The following TBX22 variants were observed in gnomAD, a reference collection of about 807,000 sequenced individuals.
TBX22 encodes the protein T-box transcription factor 22.
A neutral mutation model predicts 30.1 loss-of-function variants in TBX22; 8 were observed. That is an observed-to-expected ratio of 0.27 (90% CI 0.16 to 0.48). The LOEUF (loss-of-function observed/expected upper bound fraction) is 0.48. Among genes scored for constraint, TBX22 ranks in the 20% least tolerant of loss-of-function variants. The probability of loss-of-function intolerance (pLI) is 0.99; values close to 1 mark genes in which losing one functional copy is unlikely to be tolerated. For synonymous variants in TBX22, 173 were observed against 149.1 expected (o/e 1.16, Z -1.17); for missense variants, 463 against 400.5 (o/e 1.16, Z -1.33).
intron 2 of TBX22, 65 bp from the exon 3 acceptor site, chrX:80,022,993 CAG>C (rs1923795309): frequency 7.3e-6 from 8 of 1,094,394 alleles, no homozygotes; most frequent in Non-Finnish European, 8.8e-6. Context: ...AGATAGGCAC[CAG>C]CGAGAAGTGG....
rs778023340 is a variant in TBX22 at position 80,024,230 on chromosome X, T to C, written c.458+66T>C. 466 of 997,367 alleles carry C rather than the reference T, an allele frequency of 4.7e-4. 1 individual carries two copies. Among genetic ancestry groups the C allele is most frequent in the Non-Finnish European group, 6.2e-4 (436 of 706,310 alleles). 82.2% of individuals were successfully genotyped at this position (997,367 alleles called of 1,213,427 possible). A position where few individuals can be genotyped will look rare whatever the true frequency, so the allele number is the denominator to read the frequency against. On this transcript the variant is annotated intron_variant, in intron 4 of 8. Coordinates refer to ENST00000373296, the MANE Select transcript of TBX22 (RefSeq NM_001109878.2). ...GGCCAGGGATTTGGACCTTCAGACC[T>C]GAAACCTGACAGCATGACTTTGAAA...
At position 80,031,433 on chromosome X, in the gene TBX22, C is replaced by T. The variant is rs932623395; in HGVS notation, c.*322C>T. On this transcript the variant is annotated 3_prime_UTR_variant, in exon 9 of 9. Transcript: ENST00000373296. ...ATTTTCAATTATACTGAAGCTAGTT[C>T]ACCACGTTAACTGCATTTTACACAT... 1 of 217,014 alleles carries T rather than the reference C, an allele frequency of 4.6e-6. No individual in the cohort carries two copies. Among genetic ancestry groups the T allele is most frequent in the African/African-American group, 2.9e-5 (1 of 34,612 alleles). 17.9% of individuals were successfully genotyped at this position (217,014 alleles called of 1,213,427 possible). A position where few individuals can be genotyped will look rare whatever the true frequency, so the allele number is the denominator to read the frequency against.
chrX:80,026,547 G>A (rs747819494), intron 5 of TBX22, among the ~76,000 whole-genome samples, 157 bp from the exon 6 acceptor site: 2 of 112,035 alleles, frequency 1.8e-5, no homozygotes, highest in East Asian at 2.8e-4. Context: ...TTTTTAGCTC[G>A]GAGCGCCTCT....
chrX:80,027,358 C>CA, intron 7 of TBX22, 38 bp downstream of exon 7: 1 of 680,022 alleles, frequency 1.5e-6, no homozygotes, highest in Non-Finnish European at 2.3e-6. Flanking sequence ...ATTGATGTAG[C>CA]TAGCTATTTT....
intron 1 of TBX22, 46 bp from the exon 2 acceptor site, chrX:80,022,222 G>T (rs747337881): frequency 2.5e-6 from 3 of 1,186,660 alleles, no homozygotes; most frequent in Non-Finnish European, 3.4e-6. Flanking sequence ...CCCTAACCCA[G>T]TTCAGGTTGA....
chrX:80,024,040 A>G (rs768459898), intron 3 of TBX22, 23 bp from the exon 4 acceptor site: 3 of 1,191,640 alleles, frequency 2.5e-6, no homozygotes, highest in South Asian at 1.8e-5. Flanking sequence ...CTCTTGGGTC[A>G]GTCCTTATTT....
In TBX22 at chrX:80,030,659, C is replaced by G; in HGVS notation, c.1111C>G (p.Leu371Val). The change falls in exon 9 of 9, where the codon CTA becomes GTA. Residue 371 changes from leucine (L) to valine (V), a missense_variant. Leu to Val is a conservative substitution (Grantham distance 32, BLOSUM62 1). Coordinates refer to ENST00000373296, the MANE Select transcript of TBX22 (RefSeq NM_001109878.2). ...EAYLPNVNLPLCYKICPTNFW... is the reference protein window; with the variant it reads ...EAYLPNVNLPVCYKICPTNFW... Reference sequence around the variant, plus strand: ...ATACCTGCCCAATGTCAACCTGCCTCTATGCTACAAGATTTGTCCAACTAA... The same window carrying G: ...ATACCTGCCCAATGTCAACCTGCCTGTATGCTACAAGATTTGTCCAACTAA... 3.3e-6 allele frequency: 4 copies of G among 1,211,830 alleles called. No individual in the cohort carries two copies. Among genetic ancestry groups the G allele is most frequent in the Non-Finnish European group, 4.5e-6 (4 of 895,492 alleles).
chrX:80,027,387 T>A (rs1195036416), intron 7 of TBX22, 67 bp downstream of exon 7: 1 of 636,083 alleles, frequency 1.6e-6, no homozygotes, highest in Non-Finnish European at 2.5e-6. Context: ...TTTTTTTTTT[T>A]TTTTTTCCTG....
In TBX22 at chrX:80,030,967, C is replaced by A. The variant is rs989403706; in HGVS notation, c.1419C>A (p.Asp473Glu). Reference protein sequence around the residue: ...ALSCSFHPSYDFYRYNFSMPS... With the variant: ...ALSCSFHPSYEFYRYNFSMPS... Reference sequence around the variant, plus strand: ...GTTGCTCCTTTCATCCTTCCTATGACTTTTATAGATACAATTTCTCTATGC... The same window carrying A: ...GTTGCTCCTTTCATCCTTCCTATGAATTTTATAGATACAATTTCTCTATGC... Residue 473 changes from aspartate (D) to glutamate (E), a missense_variant, in exon 9 of 9, where the codon GAC (aspartate) becomes GAA (glutamate). Coordinates refer to ENST00000373296, the MANE Select transcript of TBX22 (RefSeq NM_001109878.2). 1 of 1,211,922 alleles carries A rather than the reference C, an allele frequency of 8.3e-7. No individual in the cohort carries two copies. Among genetic ancestry groups the A allele is most frequent in the Non-Finnish European group, 1.1e-6 (1 of 895,383 alleles).
intron 8 of TBX22, among the ~76,000 whole-genome samples, chrX:80,029,558 T>C (rs1342580231): frequency 8.9e-6 from 1 of 112,382 alleles, no homozygotes; most frequent in African/African-American, 3.2e-5. Context: ...GGCTTTTAAA[T>C]ATATTGCTTT....
chrX:80,022,807 T>A (rs1923779747), intron 2 of TBX22, among the ~76,000 whole-genome samples: 1 of 94,804 alleles, frequency 1.1e-5, no homozygotes. Context: ...AGAGTGAGGA[T>A]TGGCAAATCT....
chrX:80,024,020 T>G (rs1490413847), intron 3 of TBX22, 43 bp from the exon 4 acceptor site: 16 of 1,169,558 alleles, frequency 1.4e-5, no homozygotes, highest in African/African-American at 1.8e-5. Context: ...CTTCCAAACA[T>G]TTCTAAAAGC....
chrX:80,026,779 C>G lies in TBX22; in HGVS notation c.709C>G (p.Gln237Glu), dbSNP rs1923997288. 9.9e-6 allele frequency: 12 copies of G among 1,209,199 alleles called. No individual in the cohort carries two copies. Among genetic ancestry groups the G allele is most frequent in the Non-Finnish European group, 1.3e-5 (12 of 894,487 alleles). Residue 237 changes from glutamine (Q) to glutamate (E), a missense_variant, in exon 6 of 9, where the codon CAG becomes GAG. By Grantham distance (29) the Gln-to-Glu change is conservative. Coordinates refer to ENST00000373296, the MANE Select transcript of TBX22 (RefSeq NM_001109878.2). The part of the protein sequence containing the change: ...IEQGSSVDLS[Q>E]IQSLPTEGVK... ...GCAAGGCAGCAGTGTTGACCTGTCC[C>G]AGATTCAGTCCTTGCCCACTGAAGG... is the stretch of plus-strand genomic sequence containing the variant.
chrX:80,028,367 C>T (rs1924083729), intron 8 of TBX22, among the ~76,000 whole-genome samples: 1 of 112,426 alleles, frequency 8.9e-6, no homozygotes, highest in East Asian at 2.8e-4. Flanking sequence ...CAGCCTCTCA[C>T]TGTTTCACAT....
At chrX:80,029,287 G>T (rs1924133639) in intron 8 of TBX22, among the ~76,000 whole-genome samples, 1 of 111,729 alleles carries the variant, frequency 9.0e-6, no homozygotes, top group African/African-American at 3.2e-5. Flanking sequence ...AAACAACTTG[G>T]TCAAATCCAG....
Position 80,024,167 on chromosome X carries a change from A to G in TBX22, c.458+3A>G, listed in dbSNP as rs1923859838. Reference sequence around the variant, plus strand: ...CCGGTGGATTCCAAACGCTATAGGTAATGGGCCCCATAGAATGGTACTCTA... The same window carrying G: ...CCGGTGGATTCCAAACGCTATAGGTGATGGGCCCCATAGAATGGTACTCTA... On this transcript the variant is annotated splice_donor_region_variant and intron_variant, in intron 4 of 8. Transcript: ENST00000373296. 3.3e-6 allele frequency: 4 copies of G among 1,200,602 alleles called. No individual in the cohort carries two copies. Among genetic ancestry groups the G allele is most frequent in the Non-Finnish European group, 4.5e-6 (4 of 887,601 alleles).
chrX:80,026,817 C>A lies in TBX22; in HGVS notation c.747C>A (p.Phe249Leu). Residue 249 changes from phenylalanine (F) to leucine (L), a missense_variant, in exon 6 of 9, where the codon TTC becomes TTA. Transcript: ENST00000373296. Reference protein sequence around the residue: ...QSLPTEGVKTFSFKETEFTTV... With the variant: ...QSLPTEGVKTLSFKETEFTTV... Reference sequence around the variant, plus strand: ...TGCCCACTGAAGGTGTTAAAACATTCTCCTTTAAAGAAACTGAGTTCACCA... The same window carrying A: ...TGCCCACTGAAGGTGTTAAAACATTATCCTTTAAAGAAACTGAGTTCACCA... 1 of 1,211,589 alleles carries A rather than the reference C, an allele frequency of 8.3e-7. No individual in the cohort carries two copies. The highest frequency in any genetic ancestry group is 1.1e-6 in the Non-Finnish European group (1 of 895,370).
intron 1 of TBX22, among the ~76,000 whole-genome samples, chrX:80,015,673 C>T (rs1479219146): frequency 8.9e-6 from 1 of 111,777 alleles, no homozygotes; most frequent in African/African-American, 3.3e-5. Context: ...TGCCTTCAAA[C>T]TAGAGAAGGG....
rs781388378 is a variant in TBX22 at position 80,022,438 on chromosome X, C to T, written c.169C>T (p.Pro57Ser). ...GAGCAGCGCTGCAGGGAAGAGCGAG[C>T]CGCTTGGTAAGTACTGCCATTGCCC... ...RRSSAAGKSEPLEKQPKTEPS... is the reference protein window; with the variant it reads ...RRSSAAGKSESLEKQPKTEPS... Residue 57 changes from proline to serine, a missense_variant, in exon 2 of 9, where the codon CCG becomes TCG. Pro to Ser is a moderately conservative substitution (Grantham distance 74). Transcript: ENST00000373296. 1.0e-5 allele frequency: 12 copies of T among 1,180,691 alleles called. No homozygotes were observed. In the Admixed American group the frequency reaches 2.4e-4, roughly 24 times the overall value.
Sources: allele counts gnomAD v4.1 joint callset (sites outside exome capture counted in the v4.1 genomes callset), GRCh38; gene constraint gnomAD v4.1.1; transcripts MANE v1.5; gene names NCBI Gene and HGNC (gene_info 2026-07-23, HGNC 2026-07-21).